Variants in ANKRD50 observed in about 807,000 individuals in gnomAD.
ANKRD50 encodes ankyrin repeat domain-containing protein 50.
Under a neutral mutation model 112.0 loss-of-function variants are expected in ANKRD50, and 40 were observed. The observed-to-expected ratio is 0.36, with a 90% CI of 0.28 to 0.46. ANKRD50 has a LOEUF of 0.46. Among genes scored for constraint, ANKRD50 ranks in the 20% least tolerant of loss-of-function variants. ANKRD50 has a pLI of 1.00. For synonymous variants in ANKRD50, 613 were observed against 619.1 expected, an observed-to-expected ratio of 0.99 and a Z score of 0.15; for missense variants, 1,487 against 1,701.7, an observed-to-expected ratio of 0.87 and a Z score of 2.22.
chr4:124,680,683 A>G (rs1724865563), intron 2 of ANKRD50, among the ~76,000 whole-genome samples: 1 of 152,224 alleles, frequency 6.6e-6, no homozygotes, highest in African/African-American at 2.4e-5. Context: ...AATAATGTAC[A>G]TAATAAGTAC....
At chr4:124,679,225 G>A (rs1724816856) in intron 2 of ANKRD50, among the ~76,000 whole-genome samples, 1 of 152,060 alleles carries the variant, frequency 6.6e-6, no homozygotes, top group Non-Finnish European at 1.5e-5. Context: ...TTGAGTCAGT[G>A]ATAAAAAGCG....
chr4:124,668,577 T>C (rs1730550521), intron 4 of ANKRD50, among the ~76,000 whole-genome samples: 1 of 152,054 alleles, frequency 6.6e-6, no homozygotes, highest in Non-Finnish European at 1.5e-5. Flanking sequence ...ATAAGTAGTA[T>C]ATTCATTCAT....
chr4:124,679,630 T>A (rs1724828845), intron 2 of ANKRD50, among the ~76,000 whole-genome samples: 1 of 152,206 alleles, frequency 6.6e-6, no homozygotes. Context: ...AATAAGGTGC[T>A]GAGCAGATAC....
At chr4:124,667,553 T>C (rs1167665207) in intron 4 of ANKRD50, 39 bp from the exon 5 acceptor site, 1 of 152,074 alleles carries the variant, frequency 6.6e-6, no homozygotes, top group Non-Finnish European at 1.5e-5. Context: ...TTCTACATTG[T>C]ATTATACAGC....
chr4:124,698,352 C>T (rs942292529), intron 2 of ANKRD50, among the ~76,000 whole-genome samples: 2 of 151,884 alleles, frequency 1.3e-5, no homozygotes, highest in Admixed American at 6.6e-5. Context: ...TCTAAATATA[C>T]ATACGTGTGT....
chr4:124,670,837 C>T lies in ANKRD50; in HGVS notation c.2440G>A (p.Gly814Ser), dbSNP rs1730628603. ...GAAGCTATACTGAGGACTGTCCTAC[C>T]TTCACTATCAATACTATCCACAGCT... Reference protein sequence around the residue: ...GAAVDSIDSEGRTVLSIASAQ... With the variant: ...GAAVDSIDSESRTVLSIASAQ... Residue 814 changes from glycine (G) to serine (S), a missense_variant, in exon 4 of 5, where the codon GGT (glycine) becomes AGT (serine). Gly to Ser is a moderately conservative substitution (Grantham distance 56, BLOSUM62 0). Around this residue, in one of 2 missense-constraint regions of ANKRD50, gnomAD observed 1,046 missense variants for 1,269.5 expected, o/e 0.82. Transcript: ENST00000504087. The T allele has an allele frequency of 6.2e-7, 1 of 1,613,720 alleles. No homozygotes were observed. Among genetic ancestry groups the T allele is most frequent in the South Asian group, 1.1e-5 (1 of 91,088 alleles).
intron 2 of ANKRD50, among the ~76,000 whole-genome samples, chr4:124,695,681 A>G (rs1247799432): frequency 6.6e-6 from 1 of 152,176 alleles, no homozygotes; most frequent in African/African-American, 2.4e-5. Flanking sequence ...GCAGGAAGCT[A>G]AAGAGCTAAA....
chr4:124,669,190 T>C lies in ANKRD50; in HGVS notation c.4087A>G (p.Thr1363Ala), dbSNP rs751904052. 6.8e-6 allele frequency: 11 copies of C among 1,613,720 alleles called. No individual in the cohort carries two copies. The highest frequency in any genetic ancestry group is 8.5e-6 in the Non-Finnish European group (10 of 1,179,796). The change falls in exon 4 of 5, where the codon ACA (threonine) becomes GCA (alanine). Residue 1363 changes from threonine (T) to alanine (A), a missense_variant. Thr to Ala is a moderately conservative substitution (Grantham distance 58, BLOSUM62 0). Around this residue, in one of 2 missense-constraint regions of ANKRD50, gnomAD observed 441 missense variants for 432.2 expected, o/e 1.02. Transcript: ENST00000504087. ...GEQKKRNGIMTNPNYHLQSNQ... is the reference protein window; with the variant it reads ...GEQKKRNGIMANPNYHLQSNQ... ...CTCTGAAGATGATAATTTGGATTTG[T>C]CATTATTCCATTTCTCTTCTTCTGT...
chr4:124,703,028 G>A (rs1037570448), intron 2 of ANKRD50, among the ~76,000 whole-genome samples: 4 of 151,676 alleles, frequency 2.6e-5, no homozygotes, highest in South Asian at 2.1e-4. Flanking sequence ...TCAAATCTGC[G>A]TCAACAGCTT....
chr4:124,690,859 C>T (rs914942006), intron 2 of ANKRD50, among the ~76,000 whole-genome samples: 4 of 152,120 alleles, frequency 2.6e-5, no homozygotes, highest in African/African-American at 7.2e-5. Flanking sequence ...TAAGGAAGAA[C>T]GAATCAATTG....
Position 124,671,731 on chromosome 4 carries a change from A to G in ANKRD50, c.1546T>C (p.Cys516Arg), listed in dbSNP as rs1006128585. The G allele has an allele frequency of 1.2e-5, 19 of 1,613,804 alleles. No homozygotes were observed. The highest frequency in any genetic ancestry group is 1.5e-5 in the Non-Finnish European group (18 of 1,179,876). Reference protein sequence around the residue: ...HVNSEDDRTSCIVRQALERED... With the variant: ...HVNSEDDRTSRIVRQALERED... ...CTTTCTAAGGCTTGTCGAACTATGC[A>G]TGATGTGCGATCGTCTTCACTGTTG... The change falls in exon 4 of 5, where the codon TGC becomes CGC. Residue 516 changes from cysteine (C) to arginine (R), a missense_variant. By Grantham distance (180) the Cys-to-Arg change is radical. Coordinates refer to ENST00000504087, the MANE Select transcript of ANKRD50 (RefSeq NM_020337.3).
intron 2 of ANKRD50, among the ~76,000 whole-genome samples, chr4:124,695,782 G>A (rs960215883): frequency 6.6e-6 from 1 of 152,042 alleles, no homozygotes; most frequent in African/African-American, 2.4e-5. Flanking sequence ...AAAAGCTTAA[G>A]AGAACCACAT....
Position 124,670,767 on chromosome 4 carries a change from C to T in ANKRD50, c.2510G>A (p.Gly837Glu), listed in dbSNP as rs1730626508. The T allele has an allele frequency of 6.2e-7, 1 of 1,613,850 alleles. No homozygotes were observed. Among genetic ancestry groups the T allele is most frequent in the Non-Finnish European group, 8.5e-7 (1 of 1,179,866 alleles). The change falls in exon 4 of 5, where the codon GGG (glycine) becomes GAG (glutamate). Residue 837 changes from glycine to glutamate, a missense_variant. This residue lies in a region of ANKRD50 where 1,046 missense variants were observed against 1,269.5 expected (regional missense o/e 0.82). Coordinates refer to ENST00000504087, the MANE Select transcript of ANKRD50 (RefSeq NM_020337.3). ...ATCATCTCTGTGATTTTCATCTAAC[C>T]CTCTATCCAGTAGAGTACGTACCAC... is the stretch of plus-strand genomic sequence containing the variant. Reference protein sequence around the residue: ...VEVVRTLLDRGLDENHRDDAG... With the variant: ...VEVVRTLLDRELDENHRDDAG...
At chr4:124,695,231 GAAGAT>G (rs1725227667) in intron 2 of ANKRD50, among the ~76,000 whole-genome samples, 1 of 152,116 alleles carries the variant, frequency 6.6e-6, no homozygotes, top group African/African-American at 2.4e-5. Context: ...GTTGAAGCAA[GAAGAT>G]AAGATGAATT....
intron 2 of ANKRD50, among the ~76,000 whole-genome samples, chr4:124,683,316 A>G (rs1724935023): frequency 6.6e-6 from 1 of 151,474 alleles, no homozygotes; most frequent in Non-Finnish European, 1.5e-5. Context: ...TATATACTAT[A>G]TAATAGTTGT....
chr4:124,703,652 C>A (rs1322062235), intron 2 of ANKRD50, among the ~76,000 whole-genome samples: 1 of 150,482 alleles, frequency 6.6e-6, no homozygotes, highest in East Asian at 1.9e-4. Flanking sequence ...GAACCAAGTA[C>A]TGTCAAAATT....
chr4:124,711,548 G>A (rs1348309839), intron 1 of ANKRD50, among the ~76,000 whole-genome samples: 1 of 152,102 alleles, frequency 6.6e-6, no homozygotes, highest in Non-Finnish European at 1.5e-5. Context: ...GAGGGGGGGA[G>A]AAACTTTACG....
intron 2 of ANKRD50, among the ~76,000 whole-genome samples, chr4:124,696,179 C>T (rs1031753111): frequency 6.6e-6 from 1 of 151,418 alleles, no homozygotes; most frequent in African/African-American, 2.4e-5. Flanking sequence ...TAAAATGTAA[C>T]CTATAAAAAT....
intron 3 of ANKRD50, among the ~76,000 whole-genome samples, chr4:124,676,784 A>C (rs1730783834): frequency 6.6e-6 from 1 of 151,736 alleles, no homozygotes; most frequent in Admixed American, 6.6e-5. Context: ...ATAGTTGCAA[A>C]GAATTGAAAA....
Sources: allele counts gnomAD v4.1 joint callset (sites outside exome capture counted in the v4.1 genomes callset), GRCh38; gene constraint gnomAD v4.1.1; regional missense constraint gnomAD v4.1.1; transcripts MANE v1.5; gene names NCBI Gene and HGNC (gene_info 2026-07-23, HGNC 2026-07-21).